Variants in SNX29 observed in about 807,000 individuals in gnomAD.
SNX29 encodes sorting nexin-29.
A neutral mutation model predicts 102.1 loss-of-function variants in SNX29; 78 were observed. The observed-to-expected ratio is 0.76, with a 90% CI of 0.64 to 0.92. The LOEUF (loss-of-function observed/expected upper bound fraction) is 0.92, where lower values mean the gene tolerates loss of function less well. SNX29 is among the 40% of genes least tolerant of loss of function. SNX29 has a pLI of 0.00. For synonymous variants in SNX29, 580 were observed against 414.5 expected (o/e 1.40, Z -4.85); for missense variants, 1,280 against 1,061.7 (o/e 1.21, Z -2.86).
chr16:12,077,279 A>C (rs1596790742), intron 10 of SNX29, among the ~76,000 whole-genome samples: 1 of 86,496 alleles, frequency 1.2e-5, no homozygotes, highest in South Asian at 3.8e-4. Flanking sequence ...AACCTGTCTT[A>C]AAAAAAAAAA....
chr16:12,182,429 CT>C (rs2076408245), intron 13 of SNX29, among the ~76,000 whole-genome samples: 1 of 152,088 alleles, frequency 6.6e-6, no homozygotes. Flanking sequence ...GCTCATTTTG[CT>C]TCACAAAAGT....
rs184203635 is a variant in SNX29 at position 12,035,671 on chromosome 16, A to T, written c.248-7226A>T. On this transcript the variant is annotated intron_variant, in intron 4 of 20. Transcript: ENST00000566228. ...CTTTGTTCCTGGCATGGCTGATACCATGTGTGGCTGATTCTGTTAGAGTGT... is the reference window on the plus strand; with the variant it reads ...CTTTGTTCCTGGCATGGCTGATACCTTGTGTGGCTGATTCTGTTAGAGTGT... Among the ~76,000 whole-genome samples the T allele has an allele frequency of 2.2e-4, 34 of 152,146 alleles. 1 individual carries two copies. In the Middle Eastern group the frequency reaches 0.01, roughly 46 times the overall value.
At chr16:12,458,258 G>A (rs575199542) in intron 18 of SNX29, among the ~76,000 whole-genome samples, 1 of 152,120 alleles carries the variant, frequency 6.6e-6, no homozygotes, top group Non-Finnish European at 1.5e-5. Flanking sequence ...TCTGCCCCGA[G>A]CTGACCACCA....
chr16:12,529,321 C>T (rs1472942798), intron 20 of SNX29, among the ~76,000 whole-genome samples: 3 of 152,148 alleles, frequency 2.0e-5, no homozygotes, highest in South Asian at 2.1e-4. Context: ...CTGTGTTCGT[C>T]GTCTGACATT....
chr16:11,998,751 T>C (rs936560275), intron 1 of SNX29, among the ~76,000 whole-genome samples: 2 of 152,222 alleles, frequency 1.3e-5, no homozygotes, highest in Non-Finnish European at 2.9e-5. Context: ...GCCAGACTGC[T>C]TAAGTTCAAC....
chr16:12,223,677 T>C (rs2077535714), intron 14 of SNX29, among the ~76,000 whole-genome samples: 1 of 152,162 alleles, frequency 6.6e-6, no homozygotes, highest in Admixed American at 6.5e-5. Flanking sequence ...GTGAGAGTCA[T>C]GTGTACTTGA....
intron 14 of SNX29, among the ~76,000 whole-genome samples, chr16:12,271,116 A>G (rs936981580): frequency 2.0e-5 from 3 of 152,278 alleles, no homozygotes; most frequent in Non-Finnish European, 4.4e-5. Context: ...TTGGTTAACT[A>G]TTGTTGTGTA....
intron 3 of SNX29, among the ~76,000 whole-genome samples, chr16:12,008,542 T>A (rs2056535811): frequency 6.6e-6 from 1 of 152,148 alleles, no homozygotes; most frequent in African/African-American, 2.4e-5. Flanking sequence ...GTGCTGGGAT[T>A]ACAGGCATGA....
chr16:12,164,607 A>G (rs1188711589), intron 13 of SNX29, among the ~76,000 whole-genome samples: 6 of 149,466 alleles, frequency 4.0e-5, no homozygotes, highest in Non-Finnish European at 8.9e-5. Flanking sequence ...CAGCCTGAGC[A>G]TTTGGCTTGG....
chr16:12,036,629 C>T (rs964845767), intron 4 of SNX29, among the ~76,000 whole-genome samples: 1 of 145,896 alleles, frequency 6.9e-6, no homozygotes, highest in African/African-American at 2.5e-5. Flanking sequence ...CCACCGCGCC[C>T]AGCGGGTTTT....
chr16:12,512,942 A>T (rs576901375), intron 19 of SNX29, among the ~76,000 whole-genome samples: 1 of 152,162 alleles, frequency 6.6e-6, no homozygotes, highest in East Asian at 1.9e-4. Flanking sequence ...GTGGTGGCAG[A>T]GCGGAGTTGC....
At chr16:12,137,425 C>T (rs2054704071) in intron 13 of SNX29, among the ~76,000 whole-genome samples, 1 of 152,176 alleles carries the variant, frequency 6.6e-6, no homozygotes, top group South Asian at 2.1e-4. Flanking sequence ...TTTTCCAGCC[C>T]TGCCTGCCCA....
chr16:11,999,090 A>G (rs1472654492), intron 1 of SNX29, among the ~76,000 whole-genome samples: 3 of 152,190 alleles, frequency 2.0e-5, no homozygotes, highest in Non-Finnish European at 4.4e-5. Context: ...ACCATTCTAG[A>G]CATGTTCAGA....
At chr16:12,014,732 C>CAAAAAAAAAAAA (rs201224471) in intron 3 of SNX29, among the ~76,000 whole-genome samples, 4 of 72,038 alleles carry the variant, frequency 5.6e-5, no homozygotes, top group South Asian at 5.3e-4. Flanking sequence ...AGCTCCGTCT[C>CAAAAAAAAAAAA]AAAAAAAAAA....
chr16:12,192,824 C>G (rs1415015314), intron 13 of SNX29, among the ~76,000 whole-genome samples: 1 of 152,110 alleles, frequency 6.6e-6, no homozygotes, highest in Non-Finnish European at 1.5e-5. Flanking sequence ...TGCCTCAGCT[C>G]CCAAGTAGCT....
At chr16:12,498,090 C>T (rs2088921392) in intron 19 of SNX29, among the ~76,000 whole-genome samples, 1 of 152,142 alleles carries the variant, frequency 6.6e-6, no homozygotes, top group South Asian at 2.1e-4. Flanking sequence ...AACTGAGGTG[C>T]CACCAGAATT....
At chr16:12,409,932 C>T (rs934774833) in intron 18 of SNX29, among the ~76,000 whole-genome samples, 1 of 152,142 alleles carries the variant, frequency 6.6e-6, no homozygotes, top group African/African-American at 2.4e-5. Flanking sequence ...GCAACAGAAC[C>T]GATTAGATCT....
At chr16:12,532,150 CTG>C (rs1199928988) in intron 20 of SNX29, among the ~76,000 whole-genome samples, 3 of 152,186 alleles carry the variant, frequency 2.0e-5, no homozygotes, top group Non-Finnish European at 4.4e-5. Flanking sequence ...CATGCTGTAA[CTG>C]TGTGTTCCTG....
At chr16:12,539,994 C>G (rs141332195) in intron 20 of SNX29, among the ~76,000 whole-genome samples, 14 of 151,112 alleles carry the variant, frequency 9.3e-5, no homozygotes, top group Non-Finnish European at 1.2e-4. Context: ...TCTTCAGCTT[C>G]TTTTCAGTGT....
Sources: allele counts gnomAD v4.1 joint callset (sites outside exome capture counted in the v4.1 genomes callset), GRCh38; gene constraint gnomAD v4.1.1; transcripts MANE v1.5; gene names NCBI Gene and HGNC (gene_info 2026-07-23, HGNC 2026-07-21).